Variants in LPP observed in about 807,000 individuals in gnomAD.
LPP encodes lipoma-preferred partner.
Under a neutral mutation model 60.4 loss-of-function variants are expected in LPP, and 38 were observed. The ratio of observed to expected loss-of-function variants is 0.63; its 90% CI spans 0.49 to 0.83. The LOEUF (loss-of-function observed/expected upper bound fraction) is 0.83, where lower values mean the gene tolerates loss of function less well. LPP is among the 40% of genes least tolerant of loss of function. The pLI is 0.00. For missense variants in LPP, 902 were observed against 783.6 expected, an observed-to-expected ratio of 1.15 and a Z score of -1.80; for synonymous variants, 328 against 290.8, an observed-to-expected ratio of 1.13 and a Z score of -1.30.
At chr3:188,640,183 C>G (rs1260420161) in intron 7 of LPP, among the ~76,000 whole-genome samples, 9 of 150,316 alleles carry the variant, frequency 6.0e-5, no homozygotes, top group Non-Finnish European at 7.4e-5. Context: ...GAATACTATG[C>G]AGCCATAAAA....
At chr3:188,434,206 G>A (rs1791733312) in intron 4 of LPP, among the ~76,000 whole-genome samples, 1 of 151,950 alleles carries the variant, frequency 6.6e-6, no homozygotes, top group Non-Finnish European at 1.5e-5. Flanking sequence ...CATAAATAGT[G>A]GTAAGAAACA....
chr3:188,387,062 T>G (rs1339895337), intron 3 of LPP, among the ~76,000 whole-genome samples: 1 of 152,032 alleles, frequency 6.6e-6, no homozygotes, highest in Non-Finnish European at 1.5e-5. Flanking sequence ...TATCGTTGAG[T>G]CTCATTTTCC....
At position 188,474,389 on chromosome 3, in the gene LPP, A is replaced by AATGCATTGAC. The variant is rs138666295; in HGVS notation, c.194-10179_194-10170dup. On this transcript the variant is annotated intron_variant, in intron 4 of 11. Coordinates refer to ENST00000617246, the MANE Select transcript of LPP (RefSeq NM_001375462.1). ...GCATTATCATTGACATGTCATTGAC[A>AATGCATTGAC]ATGCATTGACATGCATTGACATGCA... is the stretch of plus-strand genomic sequence containing the variant. Among the ~76,000 whole-genome samples the AATGCATTGAC allele has an allele frequency of 8.7e-3, 1,321 of 151,474 alleles. 8 individuals carry two copies. The highest frequency in any genetic ancestry group is 0.021 in the African/African-American group (874 of 41,320).
In LPP at chr3:188,367,693, A is replaced by T. The variant is rs189363209; in HGVS notation, c.-10+25974A>T. 4.2e-4 allele frequency among the ~76,000 whole-genome samples: 64 copies of T among 152,344 alleles called. No individual in the cohort carries two copies. The East Asian group carries it at 0.01, about 25-fold the overall frequency. On this transcript the variant is annotated intron_variant, in intron 3 of 11. Transcript: ENST00000617246. ...GTGCTCCATGAAATACTAGATTCATAAATGGTCAAATCACTGTGGGACTCT... is the reference window on the plus strand; with the variant it reads ...GTGCTCCATGAAATACTAGATTCATTAATGGTCAAATCACTGTGGGACTCT...
At chr3:188,281,116 A>G (rs1741879746) in intron 2 of LPP, among the ~76,000 whole-genome samples, 1 of 152,118 alleles carries the variant, frequency 6.6e-6, no homozygotes, top group East Asian at 1.9e-4. Context: ...GAAATAATGC[A>G]TGTGAAGAGC....
intron 9 of LPP, among the ~76,000 whole-genome samples, chr3:188,790,966 A>C (rs1348267112): frequency 2.0e-5 from 3 of 152,020 alleles, no homozygotes; most frequent in African/African-American, 7.3e-5. Context: ...AAAACACTTT[A>C]GACACTTTAG....
chr3:188,607,414 TATAA>T lies in LPP; in HGVS notation c.430-1746_430-1743del, dbSNP rs1475106458. ...ATATATATATATATATATATATATA[TATAA>T]TTTTTTTTTCCTTTGCAGTTTTACG... On this transcript the variant is annotated intron_variant, in intron 6 of 11. Coordinates refer to ENST00000617246, the MANE Select transcript of LPP (RefSeq NM_001375462.1). Among the ~76,000 whole-genome samples the T allele has an allele frequency of 9.6e-3, 517 of 54,132 alleles. 10 individuals carry two copies. The highest frequency in any genetic ancestry group is 0.017 in the Non-Finnish European group (291 of 16,908). 35.5% of individuals were successfully genotyped at this position (54,132 alleles called of 152,430 possible).
At position 188,877,752 on chromosome 3, in the gene LPP, A is replaced by G. The variant is rs1312790894; in HGVS notation, c.*3273A>G. On this transcript the variant is annotated 3_prime_UTR_variant, in exon 12 of 12. Coordinates refer to ENST00000617246, the MANE Select transcript of LPP (RefSeq NM_001375462.1). ...CATGCGCTTGTTTAAAAAAACAAATAAATAAATAATCGACTCAAAAATAAG... is the reference window on the plus strand; with the variant it reads ...CATGCGCTTGTTTAAAAAAACAAATGAATAAATAATCGACTCAAAAATAAG... 4.8e-6 allele frequency: 1 copy of G among 206,352 alleles called. No individual in the cohort carries two copies. The highest frequency in any genetic ancestry group is 9.9e-6 in the Non-Finnish European group (1 of 100,970). The allele number at this position is 206,352 out of a possible 1,614,324, so 12.8% of individuals were successfully genotyped here. A position where few individuals can be genotyped will look rare whatever the true frequency, so the allele number is the denominator to read the frequency against.
intron 1 of LPP, among the ~76,000 whole-genome samples, chr3:188,193,771 A>G (rs1327196245): frequency 6.6e-6 from 1 of 152,088 alleles, no homozygotes; most frequent in East Asian, 1.9e-4. Flanking sequence ...CTAGTAGGAT[A>G]GAGTTTGGGT....
At position 188,883,708 on chromosome 3, in the gene LPP, G is replaced by A. The variant is rs1040728146; in HGVS notation, c.*9229G>A. 34 of 147,414 alleles carry A rather than the reference G, an allele frequency of 2.3e-4. No homozygotes were observed. The highest frequency in any genetic ancestry group is 9.1e-4 in the African/African-American group (32 of 35,274). 9.1% of individuals were successfully genotyped at this position (147,414 alleles called of 1,614,324 possible). Reference sequence around the variant, plus strand: ...AGATTGCGCCACTGCACTCCAGCCTGGGCGACAGAACGAGACTCCGTCTCA... The same window carrying A: ...AGATTGCGCCACTGCACTCCAGCCTAGGCGACAGAACGAGACTCCGTCTCA... On this transcript the variant is annotated 3_prime_UTR_variant, in exon 12 of 12. Coordinates refer to ENST00000617246, the MANE Select transcript of LPP (RefSeq NM_001375462.1).
intron 2 of LPP, among the ~76,000 whole-genome samples, chr3:188,255,532 C>T: frequency 6.6e-6 from 1 of 152,216 alleles, no homozygotes; most frequent in East Asian, 1.9e-4. Flanking sequence ...CCACACACCC[C>T]CTACACACAC....
At chr3:188,834,125 A>G (rs1297418053) in intron 9 of LPP, among the ~76,000 whole-genome samples, 1 of 152,100 alleles carries the variant, frequency 6.6e-6, no homozygotes, top group Non-Finnish European at 1.5e-5. Context: ...TTGGTCCTAC[A>G]AAGTTTTCTT....
chr3:188,619,303 G>A (rs1845403340), intron 7 of LPP, among the ~76,000 whole-genome samples: 1 of 152,204 alleles, frequency 6.6e-6, no homozygotes, highest in African/African-American at 2.4e-5. Flanking sequence ...GGGATTACAG[G>A]TGTGAGCCAC....
chr3:188,677,107 A>G (rs567333304), intron 7 of LPP, among the ~76,000 whole-genome samples: 1 of 152,260 alleles, frequency 6.6e-6, no homozygotes, highest in East Asian at 1.9e-4. Context: ...GTCAATCCTC[A>G]GTTGAGACTG....
At chr3:188,681,630 C>T (rs1176474030) in intron 7 of LPP, among the ~76,000 whole-genome samples, 1 of 151,958 alleles carries the variant, frequency 6.6e-6, no homozygotes, top group Non-Finnish European at 1.5e-5. Context: ...AAAGTATGCT[C>T]TTAACTAATA....
At chr3:188,179,234 A>T (rs766648397) in intron 1 of LPP, 13 of 457,646 alleles carry the variant, frequency 2.8e-5, no homozygotes, top group Non-Finnish European at 4.8e-5. Flanking sequence ...GCATGCATGG[A>T]ATCTTCGGCT....
At chr3:188,337,621 C>T in intron 2 of LPP, among the ~76,000 whole-genome samples, 1 of 152,164 alleles carries the variant, frequency 6.6e-6, no homozygotes, top group Non-Finnish European at 1.5e-5. Flanking sequence ...GTCTGGTACA[C>T]TGCCTTAGTT....
chr3:188,878,711 A>G lies in LPP; in HGVS notation c.*4232A>G, dbSNP rs755282472. 7 of 202,900 alleles carry G rather than the reference A, an allele frequency of 3.4e-5. No homozygotes were observed. Among genetic ancestry groups the G allele is most frequent in the Admixed American group, 6.0e-5 (1 of 16,648 alleles). The allele number at this position is 202,900 out of a possible 1,614,324, so 12.6% of individuals were successfully genotyped here. On this transcript the variant is annotated 3_prime_UTR_variant, in exon 12 of 12. Coordinates refer to ENST00000617246, the MANE Select transcript of LPP (RefSeq NM_001375462.1). ...TTCCACTGAAGAGTCAATGATGTAAATGATAACCACCAAATCTCAAAAATA... is the reference window on the plus strand; with the variant it reads ...TTCCACTGAAGAGTCAATGATGTAAGTGATAACCACCAAATCTCAAAAATA...
chr3:188,872,351 A>G (rs527243431), intron 10 of LPP, among the ~76,000 whole-genome samples: 14 of 152,340 alleles, frequency 9.2e-5, no homozygotes, highest in African/African-American at 3.4e-4. Context: ...CAGGGTTTGC[A>G]TTCAGAATCT....
Sources: gnomAD v4.1 joint callset for allele counts (sites outside exome capture counted in the v4.1 genomes callset) on GRCh38, gnomAD v4.1.1 for gene constraint, MANE v1.5 for transcripts, NCBI Gene and HGNC (gene_info 2026-07-23, HGNC 2026-07-21) for gene names.